Variants in MSI2 observed in about 807,000 individuals in gnomAD.
The protein encoded by MSI2 is musashi RNA binding protein 2, also known as RNA-binding protein Musashi homolog 2.
Under a neutral mutation model 45.6 loss-of-function variants are expected in MSI2, and 17 were observed. The ratio of observed to expected loss-of-function variants is 0.37; its 90% CI spans 0.26 to 0.56. The LOEUF (loss-of-function observed/expected upper bound fraction) is 0.56, where lower values mean the gene tolerates loss of function less well. MSI2 is among the 20% of genes least tolerant of loss of function. The probability of loss-of-function intolerance (pLI) is 0.77; values close to 1 mark genes in which losing one functional copy is unlikely to be tolerated. For synonymous variants in MSI2, 156 were observed against 158.2 expected (o/e 0.99, Z 0.11); for missense variants, 293 against 444.2 (o/e 0.66, Z 3.06).
intron 6 of MSI2, among the ~76,000 whole-genome samples, chr17:57,447,412 A>T (rs993863365): frequency 8.5e-5 from 13 of 152,270 alleles, no homozygotes; most frequent in African/African-American, 3.1e-4. Flanking sequence ...CTTAAGTTTT[A>T]CATTTTAAAT....
At chr17:57,326,543 T>C (rs1046290548) in intron 5 of MSI2, among the ~76,000 whole-genome samples, 1 of 152,226 alleles carries the variant, frequency 6.6e-6, no homozygotes, top group Non-Finnish European at 1.5e-5. Flanking sequence ...AATATCTTTG[T>C]GTTTCCTTAG....
At chr17:57,453,052 TGAGTA>T (rs1234397088) in intron 6 of MSI2, among the ~76,000 whole-genome samples, 1 of 148,314 alleles carries the variant, frequency 6.7e-6, no homozygotes, top group Non-Finnish European at 1.5e-5. Flanking sequence ...GTCACCCAGA[TGAGTA>T]CAGTGGTGCA....
At chr17:57,640,916 T>C (rs1246321022) in intron 10 of MSI2, among the ~76,000 whole-genome samples, 1 of 152,226 alleles carries the variant, frequency 6.6e-6, no homozygotes, top group Non-Finnish European at 1.5e-5. Flanking sequence ...TCTTCCATTT[T>C]ACAGGTGAGG....
intron 8 of MSI2, among the ~76,000 whole-genome samples, chr17:57,603,927 AG>A (rs1906213556): frequency 6.6e-6 from 1 of 152,226 alleles, no homozygotes; most frequent in African/African-American, 2.4e-5. Context: ...ACACATTATT[AG>A]GGGCAGAGTA....
chr17:57,606,724 C>T (rs140625986), intron 8 of MSI2, among the ~76,000 whole-genome samples: 1 of 152,184 alleles, frequency 6.6e-6, no homozygotes, highest in Non-Finnish European at 1.5e-5. Context: ...TTTGCCATCA[C>T]TGATTGTAAT....
chr17:57,299,876 A>T lies in MSI2; in HGVS notation c.312+37684A>T, dbSNP rs72830840. Among the ~76,000 whole-genome samples, 1,486 of 152,342 alleles carry T rather than the reference A, an allele frequency of 9.8e-3. 12 individuals carry two copies. The highest frequency in any genetic ancestry group is 0.014 in the Non-Finnish European group (978 of 68,024). Reference sequence around the variant, plus strand: ...CAATAAAGCAAGGCACAATGAAATGAGGTGTGCCTGCCTTTGGTTTATGGG... The same window carrying T: ...CAATAAAGCAAGGCACAATGAAATGTGGTGTGCCTGCCTTTGGTTTATGGG... On this transcript the variant is annotated intron_variant, in intron 5 of 13. Transcript: ENST00000284073.
At chr17:57,382,854 C>T (rs975624189) in intron 5 of MSI2, among the ~76,000 whole-genome samples, 1 of 152,232 alleles carries the variant, frequency 6.6e-6, no homozygotes, top group African/African-American at 2.4e-5. Context: ...GATCAGGTCT[C>T]TCCTTTGGGT....
intron 6 of MSI2, among the ~76,000 whole-genome samples, chr17:57,439,095 T>C (rs2084747212): frequency 6.6e-6 from 1 of 152,208 alleles, no homozygotes; most frequent in Non-Finnish European, 1.5e-5. Context: ...TGTATGTCTG[T>C]TGAGTTGAGT....
intron 7 of MSI2, among the ~76,000 whole-genome samples, chr17:57,576,411 C>T (rs2088048462): frequency 1.3e-5 from 2 of 152,184 alleles, no homozygotes; most frequent in Non-Finnish European, 2.9e-5. Flanking sequence ...TAGATGTTTT[C>T]TGTATTTCCT....
At position 57,334,513 on chromosome 17, in the gene MSI2, G is replaced by T. The variant is rs945020827; in HGVS notation, c.313-66866G>T. ...AGATCTCATTAAAATGCTTCCTCTG[G>T]CCGGGTGCGATGGCTCATGCCTGTA... On this transcript the variant is annotated intron_variant, in intron 5 of 13. Transcript: ENST00000284073. Among the ~76,000 whole-genome samples the T allele has an allele frequency of 8.5e-5, 13 of 152,194 alleles. No individual in the cohort carries two copies. The South Asian group carries it at 2.7e-3, about 32-fold the overall frequency.
chr17:57,632,017 T>C (rs1909422329), intron 10 of MSI2: 11 of 1,359,774 alleles, frequency 8.1e-6, no homozygotes, highest in Non-Finnish European at 1.0e-5. Flanking sequence ...CTTCACTCAA[T>C]TAAAAAAAAA....
At position 57,637,206 on chromosome 17, in the gene MSI2, A is replaced by G. The variant is rs146133422; in HGVS notation, c.727+9903A>G. Among the ~76,000 whole-genome samples, 29 of 152,324 alleles carry G rather than the reference A, an allele frequency of 1.9e-4. No homozygotes were observed. In the East Asian group the frequency reaches 5.6e-3, roughly 29 times the overall value. On this transcript the variant is annotated intron_variant, in intron 10 of 13. Coordinates refer to ENST00000284073, the MANE Select transcript of MSI2 (RefSeq NM_138962.4). The stretch of plus-strand genomic sequence containing the variant: ...TTGGGGCCTATCCTCTCATTTGAAT[A>G]TTAAAGGCAAGCTTAGACAGGAAAG...
At chr17:57,575,823 T>C (rs2088024567) in intron 7 of MSI2, among the ~76,000 whole-genome samples, 1 of 151,940 alleles carries the variant, frequency 6.6e-6, no homozygotes, top group Non-Finnish European at 1.5e-5. Flanking sequence ...CAGGCGCCTG[T>C]AGTCCCAGCT....
intron 7 of MSI2, among the ~76,000 whole-genome samples, chr17:57,566,942 A>G (rs544547019): frequency 6.6e-6 from 1 of 152,330 alleles, no homozygotes; most frequent in East Asian, 1.9e-4. Flanking sequence ...GTTCAAACCC[A>G]TTCTTCCAGG....
At chr17:57,609,382 A>G (rs542610631) in intron 8 of MSI2, among the ~76,000 whole-genome samples, 7 of 152,326 alleles carry the variant, frequency 4.6e-5, no homozygotes, top group African/African-American at 1.7e-4. Flanking sequence ...CAGACGGTCA[A>G]GGTTGATACC....
At chr17:57,459,619 T>C (rs1288075692) in intron 6 of MSI2, among the ~76,000 whole-genome samples, 1 of 152,172 alleles carries the variant, frequency 6.6e-6, no homozygotes, top group Non-Finnish European at 1.5e-5. Context: ...ATCTGAGTAG[T>C]GGTAGGTCCT....
chr17:57,263,969 T>A (rs1299690139), intron 5 of MSI2: 1 of 152,236 alleles, frequency 6.6e-6, no homozygotes, highest in Non-Finnish European at 1.5e-5. Context: ...ATTATCTCCA[T>A]CTGAATTCCA....
intron 5 of MSI2, among the ~76,000 whole-genome samples, chr17:57,321,454 T>C (rs926350724): frequency 6.6e-6 from 1 of 152,160 alleles, no homozygotes; most frequent in Admixed American, 6.5e-5. Context: ...ATCCTAGCAC[T>C]CTAGCCTTCC....
At chr17:57,341,972 C>A (rs918128714) in intron 5 of MSI2, among the ~76,000 whole-genome samples, 1 of 152,082 alleles carries the variant, frequency 6.6e-6, no homozygotes, top group Admixed American at 6.5e-5. Context: ...GAGTGAGCTA[C>A]ATATTGCCCT....
Sources: gnomAD v4.1 joint callset for allele counts (sites outside exome capture counted in the v4.1 genomes callset) on GRCh38, gnomAD v4.1.1 for gene constraint, MANE v1.5 for transcripts, NCBI Gene and HGNC (gene_info 2026-07-23, HGNC 2026-07-21) for gene names.